The following ZC3H12B variants were observed in gnomAD, a reference collection of about 807,000 sequenced individuals.
ZC3H12B encodes probable ribonuclease ZC3H12B.
In ZC3H12B, 7 loss-of-function variants were observed where a neutral mutation model predicts 43.9. The observed-to-expected ratio is 0.16, with a 90% CI of 0.09 to 0.30. ZC3H12B has a LOEUF of 0.30. Ranked by LOEUF, ZC3H12B falls within the 10% of genes least tolerant of loss-of-function variation. ZC3H12B has a pLI of 1.00. For missense variants in ZC3H12B, 475 were observed against 670.2 expected (o/e 0.71, Z 3.22); for synonymous variants, 222 against 241.7 (o/e 0.92, Z 0.76).
the ZC3H12B span, among the ~76,000 whole-genome samples, chrX:65,137,046 A>G: frequency 8.9e-6 from 1 of 112,143 alleles, no homozygotes; most frequent in Admixed American, 9.5e-5. Flanking sequence ...ATAATTTAAT[A>G]AAACAACTTT....
At chrX:65,428,409 C>T in intron 3 of ZC3H12B, among the ~76,000 whole-genome samples, 2 of 112,165 alleles carry the variant, frequency 1.8e-5, no homozygotes, top group South Asian at 7.5e-4. Context: ...GTCTTAAGTT[C>T]AGTCTCTACA....
the ZC3H12B span, among the ~76,000 whole-genome samples, chrX:65,196,408 G>T: frequency 1.8e-5 from 2 of 111,433 alleles, no homozygotes; most frequent in Non-Finnish European, 3.8e-5. Flanking sequence ...CAAATTCCGG[G>T]GGGGATTTTG....
upstream of ZC3H12B, among the ~76,000 whole-genome samples, chrX:65,483,972 T>A (rs774659691): frequency 8.9e-6 from 1 of 112,225 alleles, no homozygotes; most frequent in East Asian, 2.8e-4. Flanking sequence ...ATGGTATATA[T>A]GTACCACATT....
chrX:65,194,420 T>C, the ZC3H12B span, among the ~76,000 whole-genome samples: 4 of 110,562 alleles, frequency 3.6e-5, no homozygotes, highest in Non-Finnish European at 7.6e-5. Context: ...AAATAAAAAT[T>C]TATTTATTGA....
the ZC3H12B span, among the ~76,000 whole-genome samples, chrX:65,171,992 G>T: frequency 3.6e-5 from 4 of 112,422 alleles, no homozygotes; most frequent in Non-Finnish European, 5.6e-5. Context: ...GCACTTCCTG[G>T]GTGAGGCGAT....
intron 3 of ZC3H12B, among the ~76,000 whole-genome samples, chrX:65,451,088 C>G (rs2067501682): frequency 9.2e-6 from 1 of 108,456 alleles, no homozygotes; most frequent in Non-Finnish European, 1.9e-5. Flanking sequence ...ACTGGAATTA[C>G]AGGCGCATGC....
the ZC3H12B span, among the ~76,000 whole-genome samples, chrX:65,152,158 T>G: frequency 9.0e-6 from 1 of 111,605 alleles, no homozygotes; most frequent in Non-Finnish European, 1.9e-5. Context: ...AGCATTCCCT[T>G]TGAAAACTGG....
At chrX:65,238,135 T>A in the ZC3H12B span, among the ~76,000 whole-genome samples, 1 of 111,878 alleles carries the variant, frequency 8.9e-6, no homozygotes. Context: ...GAAGAGTCCC[T>A]CCTCGATTTT....
the ZC3H12B span, among the ~76,000 whole-genome samples, chrX:65,249,628 T>C: frequency 3.6e-5 from 4 of 111,322 alleles, no homozygotes; most frequent in African/African-American, 1.3e-4. Flanking sequence ...TGTGTTGAAT[T>C]TGTTGATTGC....
the ZC3H12B span, among the ~76,000 whole-genome samples, chrX:65,179,703 T>C: frequency 9.0e-6 from 1 of 111,258 alleles, no homozygotes; most frequent in Non-Finnish European, 1.9e-5. Flanking sequence ...GAGAATACTA[T>C]AAAAAACCTC....
At chrX:65,184,929 T>C in the ZC3H12B span, 2 of 111,794 alleles carry the variant, frequency 1.8e-5, no homozygotes, top group Non-Finnish European at 3.8e-5. Context: ...TTTTCATACA[T>C]ATATGCATTG....
chrX:65,201,361 G>A, the ZC3H12B span, among the ~76,000 whole-genome samples: 1 of 111,186 alleles, frequency 9.0e-6, no homozygotes, highest in African/African-American at 3.3e-5. Context: ...ATTCTCTGAT[G>A]GTTGTTTGTT....
At chrX:65,042,285 C>T in the ZC3H12B span, among the ~76,000 whole-genome samples, 1 of 112,234 alleles carries the variant, frequency 8.9e-6, no homozygotes, top group African/African-American at 3.2e-5. Context: ...AAAAACTTGG[C>T]ACTTTGTGTA....
chrX:65,135,746 T>C, the ZC3H12B span, among the ~76,000 whole-genome samples: 1 of 101,256 alleles, frequency 9.9e-6, no homozygotes, highest in Non-Finnish European at 1.9e-5. Context: ...TATTTGTTTG[T>C]TTTCTTTTTT....
At chrX:65,148,578 TG>T in the ZC3H12B span, among the ~76,000 whole-genome samples, 1 of 111,163 alleles carries the variant, frequency 9.0e-6, no homozygotes, top group Non-Finnish European at 1.9e-5. Context: ...CACTGGGCTT[TG>T]TTAGGACAGA....
the ZC3H12B span, among the ~76,000 whole-genome samples, chrX:65,129,257 GTA>G: frequency 2.7e-4 from 23 of 85,911 alleles, no homozygotes; most frequent in African/African-American, 2.2e-4. Context: ...GTGTATATAT[GTA>G]TATATATATA....
the ZC3H12B span, among the ~76,000 whole-genome samples, chrX:65,177,962 C>T: frequency 2.7e-5 from 3 of 112,103 alleles, no homozygotes; most frequent in African/African-American, 9.7e-5. Flanking sequence ...CAAGACTATC[C>T]TAAGCAAAAA....
chrX:65,269,737 C>A, the ZC3H12B span, among the ~76,000 whole-genome samples: 823 of 109,876 alleles, frequency 7.5e-3, 17 homozygotes, highest in African/African-American at 0.026. Context: ...TGGCCTCAAG[C>A]AGTTCTCCTG....
the ZC3H12B span, among the ~76,000 whole-genome samples, chrX:65,136,331 A>T: frequency 2.7e-5 from 3 of 110,826 alleles, no homozygotes; most frequent in Admixed American, 1.9e-4. Context: ...TTTTATCCCC[A>T]TATGGCCTTT....
Sources: allele counts gnomAD v4.1 joint callset (sites outside exome capture counted in the v4.1 genomes callset), GRCh38; gene constraint gnomAD v4.1.1; transcripts MANE v1.5; gene names NCBI Gene and HGNC (gene_info 2026-07-23, HGNC 2026-07-21).